Variants in ACACA observed in about 807,000 individuals in gnomAD.
ACACA encodes acetyl-CoA carboxylase alpha.
ACACA carries 103 observed loss-of-function variants against 296.1 expected under a neutral mutation model. That is an observed-to-expected ratio of 0.35 (90% CI 0.30 to 0.41). ACACA has a LOEUF of 0.41. ACACA is among the 10% of genes least tolerant of loss of function. The pLI is 1.00. For synonymous variants in ACACA, 953 were observed against 1,038.6 expected (o/e 0.92, Z 1.58); for missense variants, 1,554 against 2,989.7 (o/e 0.52, Z 11.20).
intron 45 of ACACA, among the ~76,000 whole-genome samples, chr17:37,147,121 G>A (rs2075844219): frequency 6.6e-6 from 1 of 152,016 alleles, no homozygotes; most frequent in Admixed American, 6.5e-5. Flanking sequence ...CATAAAGGAT[G>A]AAGACTCAAA....
intron 2 of ACACA, among the ~76,000 whole-genome samples, chr17:37,337,716 C>T (rs1055379578): frequency 5.9e-5 from 9 of 151,620 alleles, no homozygotes; most frequent in South Asian, 4.2e-4. Context: ...GCCTCCCAAA[C>T]GGTTGGGATT....
intron 25 of ACACA, among the ~76,000 whole-genome samples, chr17:37,230,853 AC>A (rs2079825030): frequency 6.6e-6 from 1 of 152,206 alleles, no homozygotes; most frequent in African/African-American, 2.4e-5. Flanking sequence ...TAAAGAGCCA[AC>A]CTGCTGATTT....
chr17:37,256,755 T>C (rs995034948), intron 14 of ACACA, among the ~76,000 whole-genome samples: 4 of 151,992 alleles, frequency 2.6e-5, no homozygotes, highest in African/African-American at 9.7e-5. Flanking sequence ...ATTCAGGAAA[T>C]TGATAAAAAT....
chr17:37,170,151 C>G (rs1468125083), intron 41 of ACACA, among the ~76,000 whole-genome samples: 1 of 151,940 alleles, frequency 6.6e-6, no homozygotes, highest in Non-Finnish European at 1.5e-5. Context: ...TCAACCTAAG[C>G]TGATTATCTT....
At chr17:37,182,611 C>T (rs2077368845) in intron 39 of ACACA, among the ~76,000 whole-genome samples, 1 of 152,146 alleles carries the variant, frequency 6.6e-6, no homozygotes, top group African/African-American at 2.4e-5. Context: ...TAACACTAAA[C>T]TAGGCACTTC....
intron 19 of ACACA, among the ~76,000 whole-genome samples, chr17:37,246,458 C>T (rs543157223): frequency 8.6e-5 from 13 of 151,810 alleles, no homozygotes; most frequent in Non-Finnish European, 1.3e-4. Context: ...TGATTTGTGA[C>T]GCAGGCCACA....
chr17:37,202,962 CTTTT>C (rs57395863), intron 33 of ACACA, among the ~76,000 whole-genome samples: 1 of 140,008 alleles, frequency 7.1e-6, no homozygotes, highest in Non-Finnish European at 1.6e-5. Flanking sequence ...GAAGAAAATG[CTTTT>C]TTTTTTTTTT....
chr17:37,100,205 A>T (rs1433578390), intron 52 of ACACA, among the ~76,000 whole-genome samples: 1 of 152,262 alleles, frequency 6.6e-6, no homozygotes, highest in Non-Finnish European at 1.5e-5. Context: ...AATGGATGTC[A>T]AAGCCAGTGG....
In ACACA at chr17:37,086,916, G is replaced by C; in HGVS notation, c.*400C>G. 1.3e-5 allele frequency: 4 copies of C among 309,194 alleles called. No homozygotes were observed. Among genetic ancestry groups the C allele is most frequent in the South Asian group, 9.7e-5 (3 of 30,944 alleles). The allele number at this position is 309,194 out of a possible 1,614,324, so 19.2% of individuals were successfully genotyped here. On this transcript the variant is annotated 3_prime_UTR_variant, in exon 56 of 56. Coordinates refer to ENST00000616317, the MANE Select transcript of ACACA (RefSeq NM_198834.3). Reference sequence around the variant, plus strand: ...GGCTGCGGCTCATGGGGCCAGGAGTGAGGGGGGCTGCTCACTGCTGGGCAA... The same window carrying C: ...GGCTGCGGCTCATGGGGCCAGGAGTCAGGGGGGCTGCTCACTGCTGGGCAA...
At chr17:37,268,741 C>CTATCTATCTATCTATCTATATATA (rs1219982787) in intron 10 of ACACA, among the ~76,000 whole-genome samples, 1 of 94,510 alleles carries the variant, frequency 1.1e-5, no homozygotes, top group African/African-American at 4.0e-5. Flanking sequence ...ATCTATCTAT[C>CTATCTATCTATCTATCTATATATA]TATATATATA....
intron 33 of ACACA, among the ~76,000 whole-genome samples, chr17:37,203,333 T>C (rs913899018): frequency 6.6e-6 from 1 of 152,098 alleles, no homozygotes; most frequent in African/African-American, 2.4e-5. Flanking sequence ...AAGTGTCAAG[T>C]TGTGGTCAAA....
At chr17:37,116,584 A>C (rs1279586422) in intron 50 of ACACA, among the ~76,000 whole-genome samples, 1 of 152,166 alleles carries the variant, frequency 6.6e-6, no homozygotes, top group African/African-American at 2.4e-5. Flanking sequence ...TGGGACTAAT[A>C]TATTGCCTCC....
intron 1 of ACACA, chr17:37,360,327 A>G (rs1307898816): frequency 1.3e-5 from 2 of 152,220 alleles, no homozygotes; most frequent in African/African-American, 4.8e-5. Flanking sequence ...AAGAAGTTCC[A>G]CGCCAGAGAG....
chr17:37,087,580 T>C, intron 55 of ACACA, 141 bp from the exon 56 acceptor site: 1 of 1,053,806 alleles, frequency 9.5e-7, no homozygotes, highest in South Asian at 1.4e-5. Flanking sequence ...TGTTTCCCTA[T>C]ATTACAAATA....
At chr17:37,325,104 G>A (rs1201323071) in intron 3 of ACACA, among the ~76,000 whole-genome samples, 1 of 151,660 alleles carries the variant, frequency 6.6e-6, no homozygotes, top group Non-Finnish European at 1.5e-5. Flanking sequence ...AGGGGGCTGA[G>A]GCAGGAGAAT....
intron 35 of ACACA, among the ~76,000 whole-genome samples, chr17:37,195,601 A>G (rs2077960316): frequency 6.6e-6 from 1 of 152,132 alleles, no homozygotes; most frequent in Non-Finnish European, 1.5e-5. Flanking sequence ...TCAGAACAAG[A>G]GATGGCAAGA....
At chr17:37,117,818 A>G (rs1266883732) in intron 50 of ACACA, among the ~76,000 whole-genome samples, 1 of 151,200 alleles carries the variant, frequency 6.6e-6, no homozygotes, top group African/African-American at 2.4e-5. Flanking sequence ...ACTAATGTCA[A>G]TTTTCAGCAT....
chr17:37,283,081 G>T (rs2082617765), intron 5 of ACACA, among the ~76,000 whole-genome samples, 186 bp downstream of exon 5: 1 of 152,214 alleles, frequency 6.6e-6, no homozygotes, highest in African/African-American at 2.4e-5. Context: ...TATTGAGGTT[G>T]ACTATAGTGC....
At chr17:37,279,463 T>A (rs534852854) in intron 5 of ACACA, among the ~76,000 whole-genome samples, 87 of 152,050 alleles carry the variant, frequency 5.7e-4, no homozygotes, top group Middle Eastern at 6.8e-3. Context: ...TGAAACCCCA[T>A]CTCTACTAAA....
Sources: gnomAD v4.1 joint callset for allele counts (sites outside exome capture counted in the v4.1 genomes callset) on GRCh38, gnomAD v4.1.1 for gene constraint, MANE v1.5 for transcripts, NCBI Gene and HGNC (gene_info 2026-07-23, HGNC 2026-07-21) for gene names.